Variants in STAG3 observed in about 807,000 individuals in gnomAD.
STAG3 encodes the protein STAG3 cohesin complex component.
STAG3 carries 101 observed loss-of-function variants against 160.7 expected under a neutral mutation model. That is an observed-to-expected ratio of 0.63 (90% CI 0.54 to 0.74). The LOEUF (loss-of-function observed/expected upper bound fraction) is 0.74, where lower values mean the gene tolerates loss of function less well. Ranked by LOEUF, STAG3 falls within the 30% of genes least tolerant of loss-of-function variation. The pLI, the probability that STAG3 is intolerant of heterozygous loss-of-function variation, is 0.00. For missense variants in STAG3, 1,188 were observed against 1,517.4 expected, an observed-to-expected ratio of 0.78 and a Z score of 3.61; for synonymous variants, 519 against 585.0, an observed-to-expected ratio of 0.89 and a Z score of 1.63.
At chr7:100,194,855 T>C (rs992329636) in intron 8 of STAG3, among the ~76,000 whole-genome samples, 1 of 152,102 alleles carries the variant, frequency 6.6e-6, no homozygotes. Context: ...GATACCATAA[T>C]GAAAAGGTTT....
In STAG3 at chr7:100,207,583, A is replaced by C. The variant is rs1801772308; in HGVS notation, c.3238+2199A>C. ...AAATAGGGTTGTCTTTTTATTGTTG[A>C]GTTGTAAGTATTCTTTATATATTCT... is the stretch of plus-strand genomic sequence containing the variant. On this transcript the variant is annotated intron_variant, in intron 29 of 33. Coordinates refer to ENST00000615138, the MANE Select transcript of STAG3 (RefSeq NM_001282717.2). This position sits in a 1 kb window ranked among gnomAD's most constrained non-coding sequence, Gnocchi z 4.0. Among the ~76,000 whole-genome samples, 2 of 152,088 alleles carry C rather than the reference A, an allele frequency of 1.3e-5. No individual in the cohort carries two copies. Among genetic ancestry groups the C allele is most frequent in the African/African-American group, 4.8e-5 (2 of 41,406 alleles).
rs541560924 is a variant in STAG3 at position 100,204,515 on chromosome 7, T to C, written c.2803-112T>C. 14 of 1,323,010 alleles carry C rather than the reference T, an allele frequency of 1.1e-5. No homozygotes were observed. In the South Asian group the frequency reaches 1.9e-4, roughly 18 times the overall value. 82.0% of individuals were successfully genotyped at this position (1,323,010 alleles called of 1,614,324 possible). ...AGAAGGAAGGAAAGAGTAAAAGTAGTAGATGGTGTCCCAAGGCCTTTGGAA... is the reference window on the plus strand; with the variant it reads ...AGAAGGAAGGAAAGAGTAAAAGTAGCAGATGGTGTCCCAAGGCCTTTGGAA... On this transcript the variant is annotated intron_variant, in intron 26 of 33. Coordinates refer to ENST00000615138, the MANE Select transcript of STAG3 (RefSeq NM_001282717.2).
chr7:100,178,256 G>A (rs1799403408), intron 1 of STAG3, among the ~76,000 whole-genome samples: 1 of 152,172 alleles, frequency 6.6e-6, no homozygotes, highest in Admixed American at 6.5e-5. Flanking sequence ...CCCAGGGGCA[G>A]TCGTAGATAT....
intron 8 of STAG3, among the ~76,000 whole-genome samples, chr7:100,190,616 C>T (rs1800291927): frequency 6.6e-6 from 1 of 152,002 alleles, no homozygotes; most frequent in Non-Finnish European, 1.5e-5. Context: ...CCCATTTTAT[C>T]CTAAATTTCT....
intron 8 of STAG3, among the ~76,000 whole-genome samples, chr7:100,192,546 G>T (rs1376001696): frequency 6.6e-6 from 1 of 152,114 alleles, no homozygotes; most frequent in African/African-American, 2.4e-5. Context: ...AATAAAATAA[G>T]ATAAAATGGT....
chr7:100,198,421 G>A, intron 12 of STAG3, 54 bp from the exon 13 acceptor site: 5 of 1,573,632 alleles, frequency 3.2e-6, no homozygotes, highest in Non-Finnish European at 4.4e-6. Flanking sequence ...AGCCTTGGTT[G>A]TGCCAGAAGA....
chr7:100,217,477 G>T (rs1341035611), downstream of STAG3, among the ~76,000 whole-genome samples: 1 of 152,156 alleles, frequency 6.6e-6, no homozygotes, highest in African/African-American at 2.4e-5. Context: ...AGGTCTGTGG[G>T]TTTTTCTCCT....
Position 100,210,780 on chromosome 7 carries a change from C to G in STAG3, c.3239-231C>G, listed in dbSNP as rs530338604. Among the ~76,000 whole-genome samples the G allele has an allele frequency of 4.6e-5, 7 of 152,260 alleles. 1 individual carries two copies. The East Asian group carries it at 7.7e-4, about 17-fold the overall frequency. ...TGTTTTCTAGGCTGTGTAGCAAGTT[C>G]TTCTTGGACAAGGCCTAGCTACAAT... On this transcript the variant is annotated intron_variant, in intron 29 of 33. Transcript: ENST00000615138.
chr7:100,198,737 C>A, intron 13 of STAG3, 106 bp from the exon 14 acceptor site: 1 of 1,253,906 alleles, frequency 8.0e-7, no homozygotes, highest in East Asian at 2.3e-5. Context: ...TTAGCTCTCA[C>A]CTCCTTTTCC....
intron 9 of STAG3, among the ~76,000 whole-genome samples, chr7:100,196,573 C>G (rs1055075159): frequency 4.6e-5 from 7 of 152,194 alleles, no homozygotes; most frequent in South Asian, 2.1e-4. Flanking sequence ...AGGCAGATCA[C>G]TTGAGGTCAG....
In STAG3 at chr7:100,182,090, G is replaced by A; in HGVS notation, c.117G>A (p.Gly39=). ...TAAAGAGAACCATACTTTCTCACAG[G>A]AATGGCGACTCTTTGTTAGCTGATG... ...DDRDSNHTSE[G]NGDSLLADED... is the part of the protein sequence containing the mutation. The change falls in exon 3 of 34, where the codon GGG becomes GGA. Residue 39 remains glycine, a splice_region_variant and synonymous_variant. Coordinates refer to ENST00000615138, the MANE Select transcript of STAG3 (RefSeq NM_001282717.2). 6.2e-7 allele frequency: 1 copy of A among 1,613,060 alleles called. No individual in the cohort carries two copies. Among genetic ancestry groups the A allele is most frequent in the East Asian group, 2.2e-5 (1 of 44,870 alleles).
At chr7:100,197,615 TAAG>T in intron 10 of STAG3, 160 bp from the exon 11 acceptor site, 1 of 700,774 alleles carries the variant, frequency 1.4e-6, no homozygotes. Flanking sequence ...GTTTTTTAAG[TAAG>T]AAGACAGCTG....
rs1799580617 is a variant in STAG3 at position 100,180,571 on chromosome 7, G to A, written c.15G>A (p.Leu5=). 1 of 1,609,932 alleles carries A rather than the reference G, an allele frequency of 6.2e-7. No individual in the cohort carries two copies. The highest frequency in any genetic ancestry group is 1.3e-5 in the African/African-American group (1 of 74,884). The change falls in exon 2 of 34, where the codon TTG becomes TTA. Residue 5 remains leucine (L), a synonymous_variant. Transcript: ENST00000615138. Reference sequence around the variant, plus strand: ...CCTCTCCAAGCATGTCTTCCCCGTTGCAAAGAGCTGTGGGAGATACCAAGA... The same window carrying A: ...CCTCTCCAAGCATGTCTTCCCCGTTACAAAGAGCTGTGGGAGATACCAAGA... The part of the protein sequence containing the change: MSSP[L]QRAVGDTKRA...
At chr7:100,193,734 G>C (rs1800483842) in intron 8 of STAG3, among the ~76,000 whole-genome samples, 1 of 152,106 alleles carries the variant, frequency 6.6e-6, no homozygotes, top group African/African-American at 2.4e-5. Context: ...TGTTGTGGCT[G>C]GTTTGATCTT....
At position 100,198,936 on chromosome 7, in the gene STAG3, G is replaced by A. The variant is rs761300855; in HGVS notation, c.1446G>A (p.Leu482=). The A allele has an allele frequency of 1.2e-5, 19 of 1,612,136 alleles. No individual in the cohort carries two copies. The highest frequency in any genetic ancestry group is 1.5e-5 in the Non-Finnish European group (18 of 1,179,946). The part of the protein sequence containing the change: ...GAQRTFFQLL[L]SFFVESELHD... ...AGAGGACTTTCTTCCAGCTTCTGCTGTCCTTCTTTGTGGAGAGCGAGGTGA... is the reference window on the plus strand; with the variant it reads ...AGAGGACTTTCTTCCAGCTTCTGCTATCCTTCTTTGTGGAGAGCGAGGTGA... The change falls in exon 14 of 34, where the codon CTG becomes CTA. Residue 482 remains leucine, a synonymous_variant. Transcript: ENST00000615138.
rs760933210 is a variant in STAG3, at chr7:100,202,345, A to G, written c.2563+5A>G. ...AGCCGGGAGACCTGGGCAGTGGTGC[A>G]GTGACTCTATACCTGGGGCTCAGTA... is the stretch of plus-strand genomic sequence containing the variant. On this transcript the variant is annotated splice_donor_5th_base_variant and intron_variant, in intron 24 of 33. Coordinates refer to ENST00000615138, the MANE Select transcript of STAG3 (RefSeq NM_001282717.2). The G allele has an allele frequency of 3.7e-6, 6 of 1,613,884 alleles. No individual in the cohort carries two copies. Among genetic ancestry groups the G allele is most frequent in the Non-Finnish European group, 5.1e-6 (6 of 1,179,968 alleles).
rs1388089134 is a variant in STAG3 at position 100,204,710 on chromosome 7, G to C, written c.2886G>C (p.Arg962=). Residue 962 remains arginine, a synonymous_variant, in exon 27 of 34, where the codon CGG becomes CGC. Transcript: ENST00000615138. ...PAFIEMRDLA[R]RFALSFGPQQ... ...TCATCGAGATGAGGGACCTGGCCCG[G>C]AGGTTTGCCTTGAGTTTTGGACCCC... is the stretch of plus-strand genomic sequence containing the variant. The C allele has an allele frequency of 6.2e-7, 1 of 1,614,148 alleles. No homozygotes were observed. Among genetic ancestry groups the C allele is most frequent in the Non-Finnish European group, 8.5e-7 (1 of 1,180,008 alleles).
rs369415269 is a variant in STAG3, at chr7:100,189,641, C to T, written c.867+45C>T. On this transcript the variant is annotated intron_variant, in intron 8 of 33. Coordinates refer to ENST00000615138, the MANE Select transcript of STAG3 (RefSeq NM_001282717.2). ...TCTTCCTTCCCTTTTTCCCAACTTG[C>T]ACCCACTTCTGCCACAGACCCCCTT... The T allele has an allele frequency of 5.0e-6, 8 of 1,585,242 alleles. No individual in the cohort carries two copies. The Admixed American group carries it at 5.5e-5, about 11-fold the overall frequency.
chr7:100,189,356 C>T, intron 7 of STAG3, 89 bp from the exon 8 acceptor site: 1 of 1,366,450 alleles, frequency 7.3e-7, no homozygotes, highest in Non-Finnish European at 1.0e-6. Flanking sequence ...ATTTTCATTG[C>T]CCTTCTTTCC....
Sources: gnomAD v4.1 joint callset for allele counts (sites outside exome capture counted in the v4.1 genomes callset) on GRCh38, gnomAD v4.1.1 for gene constraint, Gnocchi (gnomAD v3.1) non-coding constraint, MANE v1.5 for transcripts, NCBI Gene and HGNC (gene_info 2026-07-23, HGNC 2026-07-21) for gene names.